Variants in RPTOR observed in about 807,000 individuals in gnomAD.
RPTOR encodes the protein regulatory associated protein of MTOR complex 1.
Under a neutral mutation model 169.9 loss-of-function variants are expected in RPTOR, and 21 were observed. That is an observed-to-expected ratio of 0.12 (90% CI 0.09 to 0.18). The LOEUF (loss-of-function observed/expected upper bound fraction) is 0.18, where lower values mean the gene tolerates loss of function less well. Ranked by LOEUF, RPTOR falls within the 10% of genes least tolerant of loss-of-function variation. The pLI is 1.00. For synonymous variants in RPTOR, 732 were observed against 753.2 expected (o/e 0.97, Z 0.46); for missense variants, 1,133 against 1,855.9 (o/e 0.61, Z 7.16).
At chr17:80,669,009 GC>G (rs1723627483) in intron 3 of RPTOR, among the ~76,000 whole-genome samples, 1 of 152,248 alleles carries the variant, frequency 6.6e-6, no homozygotes, top group Admixed American at 6.5e-5. Context: ...CACCACAGAG[GC>G]TGGAGAGCCA....
At chr17:80,578,374 C>T (rs1017982991) in intron 1 of RPTOR, among the ~76,000 whole-genome samples, 2 of 152,148 alleles carry the variant, frequency 1.3e-5, no homozygotes, top group African/African-American at 4.8e-5. Context: ...AGTGGCGTGT[C>T]AGCTGAGGGA....
chr17:80,837,811 G>A (rs536367970), intron 9 of RPTOR, 111 bp from the exon 10 acceptor site: 208 of 1,021,482 alleles, frequency 2.0e-4, no homozygotes, highest in Admixed American at 2.6e-4. Context: ...CGTGGCCTCC[G>A]CCCAGACCCT....
In RPTOR at chr17:80,894,822, G is replaced by A. The variant is rs570177346; in HGVS notation, c.2401+957G>A. Among the ~76,000 whole-genome samples, 11 of 152,236 alleles carry A rather than the reference G, an allele frequency of 7.2e-5. No individual in the cohort carries two copies. The South Asian group carries it at 2.1e-3, about 29-fold the overall frequency. ...AAGGAATTACAGAGGTCGAGCCCCA[G>A]ACCCTACCCCGGTCCCATTCCCTCT... On this transcript the variant is annotated intron_variant, in intron 20 of 33. Transcript: ENST00000306801.
chr17:80,905,915 C>T (rs977242599), intron 20 of RPTOR, among the ~76,000 whole-genome samples: 2 of 152,214 alleles, frequency 1.3e-5, no homozygotes, highest in African/African-American at 2.4e-5. Flanking sequence ...GGAGGGTTCT[C>T]ATATAAGGCC....
chr17:80,718,819 T>C (rs558098374), intron 4 of RPTOR, among the ~76,000 whole-genome samples: 1 of 152,274 alleles, frequency 6.6e-6, no homozygotes, highest in East Asian at 1.9e-4. Flanking sequence ...CCTCGCAGAC[T>C]CTTAGGGATG....
chr17:80,700,712 GTGGTGGTGGTGGTGGTGA>G (rs1567864621), intron 3 of RPTOR, among the ~76,000 whole-genome samples: 10 of 4,188 alleles, frequency 2.4e-3, no homozygotes, highest in Admixed American at 6.2e-3. Flanking sequence ...GGTGGTGATG[GTGGTGGTGGTGGTGGTGA>G]TGATGGTGGT....
chr17:80,627,179 C>G (rs929962847), intron 2 of RPTOR, among the ~76,000 whole-genome samples: 3 of 152,192 alleles, frequency 2.0e-5, no homozygotes, highest in African/African-American at 7.2e-5. Flanking sequence ...GCCACCACGC[C>G]CAGGCAATTT....
chr17:80,740,459 C>T (rs909831947), intron 5 of RPTOR, among the ~76,000 whole-genome samples: 5 of 151,904 alleles, frequency 3.3e-5, no homozygotes, highest in East Asian at 3.8e-4. Flanking sequence ...CCAGACACAC[C>T]GTTCAAAAAA....
At chr17:80,771,965 G>A (rs1288068430) in intron 6 of RPTOR, among the ~76,000 whole-genome samples, 4 of 152,168 alleles carry the variant, frequency 2.6e-5, no homozygotes, top group Non-Finnish European at 5.9e-5. Context: ...GTCTATAGGT[G>A]CACACCACCA....
At chr17:80,883,320 AC>A in intron 14 of RPTOR, 98 bp from the exon 15 acceptor site, 1 of 1,032,342 alleles carries the variant, frequency 9.7e-7, no homozygotes, top group Admixed American at 1.7e-5. Context: ...ATTATGCGCC[AC>A]GCGTGTCATG....
chr17:80,602,387 T>C (rs1599592706), intron 1 of RPTOR, among the ~76,000 whole-genome samples: 1 of 50,236 alleles, frequency 2.0e-5, no homozygotes, highest in South Asian at 4.6e-4. Flanking sequence ...CCCCCCCACC[T>C]CCCTCCCGGA....
At chr17:80,616,462 C>A (rs540582030) in intron 1 of RPTOR, among the ~76,000 whole-genome samples, 1 of 152,222 alleles carries the variant, frequency 6.6e-6, no homozygotes, top group South Asian at 2.1e-4. Flanking sequence ...CCACGCCTGG[C>A]TAATTTTTGT....
intron 5 of RPTOR, among the ~76,000 whole-genome samples, chr17:80,737,618 T>G (rs1395689015): frequency 2.0e-5 from 3 of 152,188 alleles, no homozygotes; most frequent in African/African-American, 4.8e-5. Flanking sequence ...CTGGACACTT[T>G]CAGTTCCTCT....
intron 1 of RPTOR, among the ~76,000 whole-genome samples, chr17:80,551,823 A>G (rs2084349274): frequency 6.6e-6 from 1 of 152,088 alleles, no homozygotes; most frequent in Non-Finnish European, 1.5e-5. Flanking sequence ...AGACTATCAC[A>G]TGGGGAGAAA....
At chr17:80,951,115 C>T (rs1445028501) in intron 28 of RPTOR, among the ~76,000 whole-genome samples, 3 of 151,278 alleles carry the variant, frequency 2.0e-5, no homozygotes, top group East Asian at 3.9e-4. Flanking sequence ...TGAGACCCCC[C>T]GGAAGCATCC....
chr17:80,953,735 C>T (rs1205105272), intron 28 of RPTOR, among the ~76,000 whole-genome samples: 2 of 152,232 alleles, frequency 1.3e-5, no homozygotes, highest in African/African-American at 4.8e-5. Flanking sequence ...GGAGGGGGCT[C>T]CAGTTCTGTG....
intron 17 of RPTOR, among the ~76,000 whole-genome samples, chr17:80,887,275 ACT>A (rs2068259340): frequency 9.9e-6 from 1 of 100,582 alleles, no homozygotes; most frequent in African/African-American, 3.9e-5. Flanking sequence ...GGGTGTGCTG[ACT>A]CTGAGGGGTG....
intron 3 of RPTOR, among the ~76,000 whole-genome samples, chr17:80,649,922 G>A (rs1369847673): frequency 6.6e-6 from 1 of 152,184 alleles, no homozygotes; most frequent in South Asian, 2.1e-4. Flanking sequence ...GTCCCCAGAG[G>A]CCATGGTATT....
At chr17:80,717,319 T>A (rs148815430) in intron 4 of RPTOR, among the ~76,000 whole-genome samples, 1 of 152,194 alleles carries the variant, frequency 6.6e-6, no homozygotes, top group Non-Finnish European at 1.5e-5. Context: ...AGGTCTTTGT[T>A]CTATGAACCG....
Sources: gnomAD v4.1 joint callset for allele counts (sites outside exome capture counted in the v4.1 genomes callset) on GRCh38, gnomAD v4.1.1 for gene constraint, MANE v1.5 for transcripts, NCBI Gene and HGNC (gene_info 2026-07-23, HGNC 2026-07-21) for gene names.